CPQ: variants seen among roughly 807,000 people sequenced by gnomAD.
The protein encoded by CPQ is Ser-Met dipeptidase.
CPQ carries 37 observed loss-of-function variants against 45.7 expected under a neutral mutation model. The observed-to-expected ratio is 0.81, with a 90% CI of 0.62 to 1.07. CPQ has a LOEUF of 1.07. Among genes scored for constraint, CPQ ranks in the 50% least tolerant of loss-of-function variants. The pLI, the probability that CPQ is intolerant of heterozygous loss-of-function variation, is 0.00. For missense variants in CPQ, 537 were observed against 572.9 expected, an observed-to-expected ratio of 0.94 and a Z score of 0.64; for synonymous variants, 186 against 205.8, an observed-to-expected ratio of 0.90 and a Z score of 0.82.
chr8:96,917,968 G>A (rs370972291), intron 4 of CPQ, among the ~76,000 whole-genome samples: 1 of 152,094 alleles, frequency 6.6e-6, no homozygotes, highest in Admixed American at 6.6e-5. Context: ...TTATAGTGCA[G>A]TTACTGTTAC....
At chr8:96,735,388 G>A (rs1292163118) in intron 1 of CPQ, among the ~76,000 whole-genome samples, 4 of 152,158 alleles carry the variant, frequency 2.6e-5, no homozygotes, top group Non-Finnish European at 5.9e-5. Flanking sequence ...AAACCCTTGT[G>A]GGTATGACTA....
Position 97,066,056 on chromosome 8 carries a change from C to T in CPQ, c.1101C>T (p.Thr367=), listed in dbSNP as rs1563570800. 1 of 1,611,466 alleles carries T rather than the reference C, an allele frequency of 6.2e-7. No individual in the cohort carries two copies. Among genetic ancestry groups the T allele is most frequent in the East Asian group, 2.2e-5 (1 of 44,792 alleles). Residue 367 remains threonine, a synonymous_variant, in exon 7 of 8, where the codon ACC becomes ACT. Coordinates refer to ENST00000220763, the MANE Select transcript of CPQ (RefSeq NM_016134.4). ...TGGTGATGGAGTCTGACGCAGGAAC[C>T]TTCTTACCCACTGGGCTGCAATTCA... ...YSLVMESDAG[T]FLPTGLQFTG...
intron 4 of CPQ, among the ~76,000 whole-genome samples, chr8:96,909,287 A>G (rs1369170408): frequency 2.0e-5 from 3 of 151,926 alleles, no homozygotes; most frequent in Non-Finnish European, 4.4e-5. Flanking sequence ...TTATTGCTTC[A>G]TGCTAAGCGT....
chr8:97,022,996 CAG>C (rs1491375716), intron 5 of CPQ, among the ~76,000 whole-genome samples: 327 of 143,336 alleles, frequency 2.3e-3, no homozygotes, highest in Non-Finnish European at 4.0e-3. Context: ...TATATATATA[CAG>C]TATATATATA....
intron 1 of CPQ, among the ~76,000 whole-genome samples, chr8:96,757,220 G>A (rs1364600182): frequency 3.3e-5 from 5 of 151,768 alleles, no homozygotes; most frequent in Admixed American, 1.3e-4. Context: ...GCGTCGTGGC[G>A]CATGCCTCTA....
intron 1 of CPQ, among the ~76,000 whole-genome samples, chr8:96,763,494 TATA>T (rs1810431195): frequency 6.6e-6 from 1 of 152,154 alleles, no homozygotes; most frequent in South Asian, 2.1e-4. Context: ...ACTTCCATTT[TATA>T]ATATGTTTTA....
chr8:97,124,251 A>T (rs1208027536), intron 7 of CPQ, among the ~76,000 whole-genome samples: 1 of 143,172 alleles, frequency 7.0e-6, no homozygotes, highest in African/African-American at 2.6e-5. Context: ...AAAAAAAAAA[A>T]GTAAATTCAT....
intron 4 of CPQ, among the ~76,000 whole-genome samples, chr8:96,904,286 G>A (rs561445058): frequency 2.6e-5 from 4 of 152,262 alleles, no homozygotes; most frequent in East Asian, 3.9e-4. Context: ...CACGTTTGCC[G>A]CTGAATGATG....
intron 1 of CPQ, among the ~76,000 whole-genome samples, chr8:96,781,939 T>C (rs1245440068): frequency 6.6e-6 from 1 of 152,170 alleles, no homozygotes; most frequent in African/African-American, 2.4e-5. Context: ...AGAAATAATT[T>C]TCTTTGACTC....
At chr8:97,095,485 C>A (rs566247656) in intron 7 of CPQ, among the ~76,000 whole-genome samples, 1 of 152,288 alleles carries the variant, frequency 6.6e-6, no homozygotes, top group South Asian at 2.1e-4. Context: ...CTCATTACTG[C>A]ATTGCTCCCA....
intron 4 of CPQ, among the ~76,000 whole-genome samples, chr8:96,938,339 A>G (rs754312158): frequency 6.6e-6 from 1 of 152,156 alleles, no homozygotes; most frequent in Non-Finnish European, 1.5e-5. Context: ...TGAGGCTGCA[A>G]TGAACTAGCA....
chr8:97,059,551 G>A (rs908599292), intron 6 of CPQ, among the ~76,000 whole-genome samples: 1 of 152,164 alleles, frequency 6.6e-6, no homozygotes, highest in African/African-American at 2.4e-5. Flanking sequence ...GAACTTCAGG[G>A]TAGATCTGAC....
chr8:97,042,965 GA>G (rs1810158619), intron 6 of CPQ, among the ~76,000 whole-genome samples: 1 of 152,000 alleles, frequency 6.6e-6, no homozygotes, highest in Non-Finnish European at 1.5e-5. Context: ...ATATTCTGTT[GA>G]TTTGGGGTGG....
intron 1 of CPQ, among the ~76,000 whole-genome samples, chr8:96,653,944 T>A: frequency 6.6e-6 from 1 of 152,236 alleles, no homozygotes. Flanking sequence ...CTAAAAATGT[T>A]GTAAAGTTTA....
intron 7 of CPQ, among the ~76,000 whole-genome samples, chr8:97,116,162 G>A (rs1811589254): frequency 1.3e-5 from 2 of 152,176 alleles, no homozygotes; most frequent in African/African-American, 4.8e-5. Context: ...GAATTATGGA[G>A]ACAAAAGTCA....
chr8:96,824,240 C>A (rs1286420400), intron 2 of CPQ, among the ~76,000 whole-genome samples: 3 of 151,936 alleles, frequency 2.0e-5, no homozygotes, highest in Non-Finnish European at 4.4e-5. Context: ...GATGTACTAC[C>A]AACCACACTA....
In CPQ at chr8:96,706,173, T is replaced by G. The variant is rs115514919; in HGVS notation, c.-35+60771T>G. 7.4e-3 allele frequency among the ~76,000 whole-genome samples: 1,133 copies of G among 152,288 alleles called. 10 individuals carry two copies. Among genetic ancestry groups the G allele is most frequent in the African/African-American group, 0.022 (919 of 41,568 alleles). ...GTGATCTTTGCTGCCTGAATTTTCT[T>G]TTTTCTAGACTACTTGATTTTTCTT... is the stretch of plus-strand genomic sequence containing the variant. On this transcript the variant is annotated intron_variant, in intron 1 of 7. Transcript: ENST00000220763.
At chr8:96,788,310 C>A (rs1418217429) in intron 2 of CPQ, among the ~76,000 whole-genome samples, 1 of 152,034 alleles carries the variant, frequency 6.6e-6, no homozygotes, top group Non-Finnish European at 1.5e-5. Flanking sequence ...AGGTGCACAC[C>A]ACCATGCCCA....
chr8:96,713,176 T>C (rs1809635612), intron 1 of CPQ, among the ~76,000 whole-genome samples: 2 of 152,190 alleles, frequency 1.3e-5, no homozygotes, highest in Admixed American at 1.3e-4. Context: ...AGTCCTAAAA[T>C]ATTCCAAACT....
Sources: allele counts gnomAD v4.1 joint callset (sites outside exome capture counted in the v4.1 genomes callset), GRCh38; gene constraint gnomAD v4.1.1; transcripts MANE v1.5; gene names NCBI Gene and HGNC (gene_info 2026-07-23, HGNC 2026-07-21).